The following DMRT1 variants were observed in gnomAD, a reference collection of about 807,000 sequenced individuals.
DMRT1 encodes doublesex and mab-3 related transcription factor 1.
DMRT1 carries 7 observed loss-of-function variants against 32.3 expected under a neutral mutation model. The observed-to-expected ratio is 0.22, with a 90% CI of 0.12 to 0.41. The LOEUF is 0.41. Among genes scored for constraint, DMRT1 ranks in the 10% least tolerant of loss-of-function variants. The pLI is 1.00. For missense variants in DMRT1, 625 were observed against 500.5 expected (o/e 1.25, Z -2.37); for synonymous variants, 278 against 206.1 (o/e 1.35, Z -2.99).
chr9:844,720 T>C (rs936558344), intron 1 of DMRT1, among the ~76,000 whole-genome samples: 6 of 95,038 alleles, frequency 6.3e-5, no homozygotes, highest in Non-Finnish European at 1.2e-4. Flanking sequence ...TCTTTCTTTC[T>C]TTTTTTTTTT....
At chr9:862,309 C>T (rs558914473) in intron 2 of DMRT1, among the ~76,000 whole-genome samples, 2 of 152,158 alleles carry the variant, frequency 1.3e-5, no homozygotes, top group African/African-American at 2.4e-5. Context: ...AGACCAGCCC[C>T]GCCAACACGG....
At chr9:966,727 TAA>T (rs1471547910) in intron 4 of DMRT1, among the ~76,000 whole-genome samples, 1 of 152,230 alleles carries the variant, frequency 6.6e-6, no homozygotes, top group South Asian at 2.1e-4. Context: ...GTAACGAGTG[TAA>T]ATAGTGTTCA....
intron 2 of DMRT1, among the ~76,000 whole-genome samples, chr9:892,961 T>C (rs912357698): frequency 6.6e-6 from 1 of 152,200 alleles, no homozygotes; most frequent in Non-Finnish European, 1.5e-5. Flanking sequence ...CCTGCATCTT[T>C]TTTTAAGTGC....
chr9:927,066 C>T (rs923186689), intron 4 of DMRT1, among the ~76,000 whole-genome samples: 2 of 152,212 alleles, frequency 1.3e-5, no homozygotes, highest in African/African-American at 4.8e-5. Flanking sequence ...TCATTTGAAT[C>T]TGACCTGAAT....
At chr9:960,909 G>C (rs1034481219) in intron 4 of DMRT1, among the ~76,000 whole-genome samples, 5 of 152,218 alleles carry the variant, frequency 3.3e-5, no homozygotes, top group African/African-American at 1.2e-4. Context: ...GTGACGCTAG[G>C]AACAGGGCTC....
At chr9:927,953 A>G (rs955572112) in intron 4 of DMRT1, among the ~76,000 whole-genome samples, 6 of 152,196 alleles carry the variant, frequency 3.9e-5, no homozygotes, top group African/African-American at 1.4e-4. Flanking sequence ...AACCCATACA[A>G]CTGTTGCCAC....
intron 2 of DMRT1, among the ~76,000 whole-genome samples, chr9:876,086 G>A (rs1426482762): frequency 6.6e-6 from 1 of 152,146 alleles, no homozygotes; most frequent in African/African-American, 2.4e-5. Flanking sequence ...TAGATTTGGT[G>A]GAGCAGTTAG....
chr9:896,279 T>C (rs777903312), intron 3 of DMRT1, among the ~76,000 whole-genome samples: 11 of 149,746 alleles, frequency 7.3e-5, no homozygotes, highest in Non-Finnish European at 1.3e-4. Context: ...TTTTTTCTTG[T>C]CTTTTCTTTT....
rs530979946 is a variant in DMRT1 at position 863,076 on chromosome 9, A to C, written c.538+15933A>C. On this transcript the variant is annotated intron_variant, in intron 2 of 4. Coordinates refer to ENST00000382276, the MANE Select transcript of DMRT1 (RefSeq NM_021951.3). ...ATGCCTCTCATCCCAGCATTCTGGG[A>C]GGCTGAGGCTGAAGGATTGCTTAAG... Among the ~76,000 whole-genome samples, 100 of 142,092 alleles carry C rather than the reference A, an allele frequency of 7.0e-4. 1 individual carries two copies. The South Asian group carries it at 0.011, about 16-fold the overall frequency. 93.2% of individuals were successfully genotyped at this position (142,092 alleles called of 152,430 possible). A position where few individuals can be genotyped will look rare whatever the true frequency, so the allele number is the denominator to read the frequency against.
At position 949,747 on chromosome 9, in the gene DMRT1, C is replaced by G. The variant is rs555125402; in HGVS notation, c.968-18238C>G. Among the ~76,000 whole-genome samples the G allele has an allele frequency of 3.3e-5, 5 of 152,316 alleles. No homozygotes were observed. The South Asian group carries it at 1.0e-3, about 32-fold the overall frequency. ...CCCTTTCTCTCAGGCCCTGTAGCCA[C>G]CATTCTACTCTGCTTCTGTGGGTTT... On this transcript the variant is annotated intron_variant, in intron 4 of 4. Transcript: ENST00000382276.
intron 2 of DMRT1, among the ~76,000 whole-genome samples, chr9:878,625 G>A (rs774924691): frequency 4.6e-5 from 7 of 152,122 alleles, no homozygotes; most frequent in Non-Finnish European, 8.8e-5. Flanking sequence ...GCCAGGTGCA[G>A]CCCAGCCCTC....
chr9:892,003 T>C (rs1371019370), intron 2 of DMRT1, among the ~76,000 whole-genome samples: 1 of 152,174 alleles, frequency 6.6e-6, no homozygotes, highest in Admixed American at 6.5e-5. Context: ...CTGGTAGTCC[T>C]GGTAGGAGAG....
rs1231947601 is a variant in DMRT1, at chr9:969,002, G to A, written c.*863G>A. 1 of 152,588 alleles carries A rather than the reference G, an allele frequency of 6.6e-6. No homozygotes were observed. The highest frequency in any genetic ancestry group is 6.5e-5 in the Admixed American group (1 of 15,270). 9.5% of individuals were successfully genotyped at this position (152,588 alleles called of 1,614,324 possible). A position where few individuals can be genotyped will look rare whatever the true frequency, so the allele number is the denominator to read the frequency against. The stretch of plus-strand genomic sequence containing the variant: ...TGGAGTACTTTGTTATATAACAGAA[G>A]CCATCCTGAAATGAAACTAGTCTAA... On this transcript the variant is annotated 3_prime_UTR_variant, in exon 5 of 5. Transcript: ENST00000382276.
At chr9:860,432 T>A (rs1206170243) in intron 2 of DMRT1, among the ~76,000 whole-genome samples, 1 of 152,234 alleles carries the variant, frequency 6.6e-6, no homozygotes, top group Non-Finnish European at 1.5e-5. Flanking sequence ...GAGAGTTTGC[T>A]GTCTGAGCAA....
At chr9:887,230 G>C (rs983025122) in intron 2 of DMRT1, among the ~76,000 whole-genome samples, 2 of 152,150 alleles carry the variant, frequency 1.3e-5, no homozygotes, top group Admixed American at 1.3e-4. Context: ...TAGTTGTTTG[G>C]AGGGAATTCA....
chr9:946,524 A>G (rs1819251804), intron 4 of DMRT1, among the ~76,000 whole-genome samples: 1 of 152,208 alleles, frequency 6.6e-6, no homozygotes, highest in South Asian at 2.1e-4. Context: ...GTCACAGGTC[A>G]TAAGACAAGC....
intron 2 of DMRT1, among the ~76,000 whole-genome samples, chr9:853,883 A>C (rs2132558440): frequency 6.6e-6 from 1 of 151,590 alleles, no homozygotes; most frequent in Middle Eastern, 3.4e-3. Flanking sequence ...GCATCCTCCA[A>C]CTCCTAGGCT....
intron 2 of DMRT1, among the ~76,000 whole-genome samples, chr9:892,687 G>C (rs111809632): frequency 3.5e-4 from 53 of 152,174 alleles, no homozygotes; most frequent in African/African-American, 1.2e-3. Context: ...TCTCCTCCAA[G>C]CACAGCTCTG....
At chr9:902,521 G>C (rs558242425) in intron 3 of DMRT1, among the ~76,000 whole-genome samples, 6 of 149,050 alleles carry the variant, frequency 4.0e-5, no homozygotes, top group African/African-American at 1.5e-4. Flanking sequence ...GAGTCTTGCT[G>C]TCTTGCCCAG....
Sources: gnomAD v4.1 joint callset for allele counts (sites outside exome capture counted in the v4.1 genomes callset) on GRCh38, gnomAD v4.1.1 for gene constraint, MANE v1.5 for transcripts, NCBI Gene and HGNC (gene_info 2026-07-23, HGNC 2026-07-21) for gene names.